Variants in NAPG observed in about 807,000 individuals in gnomAD.
NAPG encodes the protein gamma-soluble NSF attachment protein.
NAPG carries 25 observed loss-of-function variants against 48.4 expected under a neutral mutation model. That is an observed-to-expected ratio of 0.52 (90% CI 0.38 to 0.72). The LOEUF is 0.72. Among genes scored for constraint, NAPG ranks in the 30% least tolerant of loss-of-function variants. NAPG has a pLI of 0.00. For missense variants in NAPG, 359 were observed against 372.5 expected (o/e 0.96, Z 0.30); for synonymous variants, 139 against 127.2 (o/e 1.09, Z -0.62).
intron 5 of NAPG, among the ~76,000 whole-genome samples, chr18:10,536,771 T>C: frequency 6.6e-6 from 1 of 152,124 alleles, no homozygotes; most frequent in East Asian, 1.9e-4. Context: ...GTTCCTGTGG[T>C]TTTTTTATCC....
intron 1 of NAPG, among the ~76,000 whole-genome samples, chr18:10,527,171 G>C (rs1488573531): frequency 7.3e-6 from 1 of 136,754 alleles, no homozygotes; most frequent in Non-Finnish European, 1.5e-5. Context: ...CTGGGCCACA[G>C]AGCGAGACTC....
chr18:10,540,894 TG>T (rs1292964417), intron 8 of NAPG: 3 of 152,276 alleles, frequency 2.0e-5, no homozygotes, highest in Non-Finnish European at 2.9e-5. Context: ...GATTTCCTTT[TG>T]TTTTTTTACT....
intron 2 of NAPG, 86 bp downstream of exon 2, chr18:10,530,923 G>A (rs940493269): frequency 6.4e-6 from 7 of 1,088,502 alleles, no homozygotes; most frequent in Admixed American, 3.5e-5. Context: ...TTACTCATAT[G>A]CTTTCTATAA....
rs1342511252 is a variant in NAPG at position 10,548,994 on chromosome 18, C to T, written c.693C>T (p.Asp231=). ...TCCCTGGGTTCAATGGCAGTGAAGA[C>T]TGTGCTGCCCTGGAACAGCTTCTTG... ...YSIPGFNGSE[D]CAALEQLLEG... The change falls in exon 11 of 12, where the codon GAC becomes GAT. Residue 231 remains aspartate, a synonymous_variant. Coordinates refer to ENST00000322897, the MANE Select transcript of NAPG (RefSeq NM_003826.3). This position sits in a 1 kb window ranked among gnomAD's most constrained non-coding sequence, Gnocchi z 4.4. 2 of 1,613,796 alleles carry T rather than the reference C, an allele frequency of 1.2e-6. No individual in the cohort carries two copies. Among genetic ancestry groups the T allele is most frequent in the South Asian group, 1.1e-5 (1 of 91,052 alleles).
At position 10,546,589 on chromosome 18, in the gene NAPG, T is replaced by C. The variant is rs1448572643; in HGVS notation, c.585+185T>C. ...AGCTTGTTTCTCTGCTGATTACAGC[T>C]AAACTACTGGATAAAATACAAAAGC... On this transcript the variant is annotated intron_variant, in intron 9 of 11. Transcript: ENST00000322897. The surrounding 1 kb of genome is among the most constrained non-coding windows in gnomAD (Gnocchi z 4.0). Among the ~76,000 whole-genome samples, 1 of 152,068 alleles carries C rather than the reference T, an allele frequency of 6.6e-6. No homozygotes were observed. The highest frequency in any genetic ancestry group is 1.5e-5 in the Non-Finnish European group (1 of 68,036).
At chr18:10,529,695 G>A (rs973481658) in intron 1 of NAPG, among the ~76,000 whole-genome samples, 1 of 152,212 alleles carries the variant, frequency 6.6e-6, no homozygotes, top group Admixed American at 6.5e-5. Flanking sequence ...GGAAGTTGCA[G>A]TGAGCCGAGA....
In NAPG at chr18:10,539,471, A is replaced by G. The variant is rs552060321; in HGVS notation, c.259-291A>G. On this transcript the variant is annotated intron_variant, in intron 5 of 11. Transcript: ENST00000322897. The surrounding 1 kb of genome is among the most constrained non-coding windows in gnomAD (Gnocchi z 4.7). ...CGTGGGAATTGAACCACAAGGACAC[A>G]TGGACACAGGGAGGGGAACATCACA... is the stretch of plus-strand genomic sequence containing the variant. 85 of 289,402 alleles carry G rather than the reference A, an allele frequency of 2.9e-4. No individual in the cohort carries two copies. The highest frequency in any genetic ancestry group is 1.2e-3 in the Middle Eastern group (1 of 852). 17.9% of individuals were successfully genotyped at this position (289,402 alleles called of 1,614,324 possible).
intron 1 of NAPG, among the ~76,000 whole-genome samples, chr18:10,527,205 A>AT (rs1491096342): frequency 2.0e-5 from 3 of 150,648 alleles, no homozygotes; most frequent in Admixed American, 1.3e-4. Flanking sequence ...AAAAAAAAAA[A>AT]GAAAAGAAAA....
In NAPG at chr18:10,546,380, T is replaced by A; in HGVS notation, c.561T>A (p.Ile187=). 1.3e-6 allele frequency: 2 copies of A among 1,568,386 alleles called. No homozygotes were observed. The highest frequency in any genetic ancestry group is 1.2e-5 in the South Asian group (1 of 85,906). ...IQKEKNIYKE[I]ENYPTCYKKT... is the part of the protein sequence containing the mutation. Reference sequence around the variant, plus strand: ...AAGAAAAAAATATTTATAAGGAAATTGAGAATTATCCAACTTGTTATAAGG... The same window carrying A: ...AAGAAAAAAATATTTATAAGGAAATAGAGAATTATCCAACTTGTTATAAGG... The change falls in exon 9 of 12, where the codon ATT becomes ATA. Residue 187 remains isoleucine (I), a synonymous_variant. Coordinates refer to ENST00000322897, the MANE Select transcript of NAPG (RefSeq NM_003826.3). The surrounding 1 kb of genome is among the most constrained non-coding windows in gnomAD (Gnocchi z 4.0).
rs187763992 is a variant in NAPG at position 10,543,486 on chromosome 18, T to C, written c.507-2840T>C. Among the ~76,000 whole-genome samples the C allele has an allele frequency of 1.3e-5, 2 of 152,350 alleles. No individual in the cohort carries two copies. Among genetic ancestry groups the C allele is most frequent in the East Asian group, 3.9e-4 (2 of 5,192 alleles). On this transcript the variant is annotated intron_variant, in intron 8 of 11. Coordinates refer to ENST00000322897, the MANE Select transcript of NAPG (RefSeq NM_003826.3). The surrounding 1 kb of genome is among the most constrained non-coding windows in gnomAD (Gnocchi z 4.4). Reference sequence around the variant, plus strand: ...GAAACAAACTTATCAGTGATGATAATAAACTTAGCTGGGAATATGACACAT... The same window carrying C: ...GAAACAAACTTATCAGTGATGATAACAAACTTAGCTGGGAATATGACACAT...
chr18:10,528,700 G>A (rs1047563552), intron 1 of NAPG, among the ~76,000 whole-genome samples: 1 of 152,212 alleles, frequency 6.6e-6, no homozygotes, highest in African/African-American at 2.4e-5. Context: ...GGAGACGAGT[G>A]GGAGAGGCCT....
In NAPG at chr18:10,539,866, T is replaced by C. The variant is rs1386329126; in HGVS notation, c.363T>C (p.Ala121=). 1.1e-5 allele frequency: 18 copies of C among 1,613,644 alleles called. No homozygotes were observed. The highest frequency in any genetic ancestry group is 7.7e-5 in the South Asian group (7 of 91,082). The part of the protein sequence containing the change: ...PDTAAMALER[A]GKLIENVDPE... ...CAGCAGCCATGGCTTTGGAGCGAGC[T>C]GGAAAGTGAGTGTGAGATGGACAAG... Residue 121 remains alanine (A), a synonymous_variant, in exon 6 of 12, where the codon GCT becomes GCC. Coordinates refer to ENST00000322897, the MANE Select transcript of NAPG (RefSeq NM_003826.3). This position sits in a 1 kb window ranked among gnomAD's most constrained non-coding sequence, Gnocchi z 4.7.
chr18:10,526,302 C>T (rs2031808417), intron 1 of NAPG, 144 bp downstream of exon 1: 5 of 790,106 alleles, frequency 6.3e-6, no homozygotes, highest in Admixed American at 2.3e-5. Flanking sequence ...TGCCGGGGCT[C>T]GGTGTCCTCT....
chr18:10,531,819 C>A (rs2031933747), intron 2 of NAPG, among the ~76,000 whole-genome samples: 1 of 152,116 alleles, frequency 6.6e-6, no homozygotes, highest in Non-Finnish European at 1.5e-5. Context: ...GAATTACATT[C>A]AAAAATAAAT....
At chr18:10,526,246 G>GGCA in intron 1 of NAPG, 88 bp downstream of exon 1, 1 of 490,184 alleles carries the variant, frequency 2.0e-6, no homozygotes. Flanking sequence ...GGGCGGGAGG[G>GGCA]AGGGCTCAGG....
chr18:10,532,088 A>T (rs183532592), intron 2 of NAPG, among the ~76,000 whole-genome samples: 2 of 152,288 alleles, frequency 1.3e-5, no homozygotes, highest in Admixed American at 1.3e-4. Context: ...AATTTGTAAG[A>T]TCATATGTTA....
intron 2 of NAPG, among the ~76,000 whole-genome samples, chr18:10,532,315 T>G (rs2031943836): frequency 6.6e-6 from 1 of 152,210 alleles, no homozygotes; most frequent in Admixed American, 6.5e-5. Context: ...AGTTTCTACC[T>G]AATCGAATGA....
Position 10,533,542 on chromosome 18 carries a change from T to G in NAPG, c.216T>G (p.Phe72Leu). 1 of 1,600,710 alleles carries G rather than the reference T, an allele frequency of 6.2e-7. No homozygotes were observed. The highest frequency in any genetic ancestry group is 2.3e-5 in the East Asian group (1 of 44,080). ...AVAHENNRALFHAAKAYEQAG... is the reference protein window; with the variant it reads ...AVAHENNRALLHAAKAYEQAG... ...CTTCGTTACTTCCATTCAGTCTTTT[T>G]CATGCTGCCAAGTAAGTATTCTTCA... The change falls in exon 4 of 12, where the codon TTT (phenylalanine) becomes TTG (leucine). Residue 72 changes from phenylalanine (F) to leucine (L), a missense_variant. By Grantham distance (22) the Phe-to-Leu change is conservative (BLOSUM62 0). Coordinates refer to ENST00000322897, the MANE Select transcript of NAPG (RefSeq NM_003826.3).
chr18:10,549,918 G>A (rs1224008067), intron 11 of NAPG, among the ~76,000 whole-genome samples, 159 bp from the exon 12 acceptor site: 1 of 152,110 alleles, frequency 6.6e-6, no homozygotes. Flanking sequence ...TGGTCATGAG[G>A]CATCTGGGGA....
Sources: allele counts gnomAD v4.1 joint callset (sites outside exome capture counted in the v4.1 genomes callset), GRCh38; gene constraint gnomAD v4.1.1; non-coding constraint Gnocchi (gnomAD v3.1); transcripts MANE v1.5; gene names NCBI Gene and HGNC (gene_info 2026-07-23, HGNC 2026-07-21).